USP34: variants seen among roughly 807,000 people sequenced by gnomAD.
The protein encoded by USP34 is ubiquitin specific peptidase 34, also known as ubiquitin carboxyl-terminal hydrolase 34.
Under a neutral mutation model 460.3 loss-of-function variants are expected in USP34, and 70 were observed. That is an observed-to-expected ratio of 0.15 (90% CI 0.13 to 0.19). USP34 has a LOEUF of 0.19. Ranked by LOEUF, USP34 falls within the 10% of genes least tolerant of loss-of-function variation. The probability of loss-of-function intolerance (pLI) is 1.00; values close to 1 mark genes in which losing one functional copy is unlikely to be tolerated. For synonymous variants in USP34, 1,647 were observed against 1,405.3 expected, an observed-to-expected ratio of 1.17 and a Z score of -3.85; for missense variants, 3,985 against 4,236.2, an observed-to-expected ratio of 0.94 and a Z score of 1.65.
intron 57 of USP34, 67 bp from the exon 58 acceptor site, chr2:61,232,599 C>T (rs1163794364): frequency 1.6e-6 from 2 of 1,241,200 alleles, no homozygotes; most frequent in East Asian, 2.4e-5. Flanking sequence ...ATAACAGTCA[C>T]ATAAGAATTT....
Position 61,288,890 on chromosome 2 carries a change from A to G in USP34, c.4549-13T>C. ...AGTCTAGCTGCCACTGTAAATGAGA[A>G]GAAATAGTCAATTCCCTATTTTCAT... On this transcript the variant is annotated splice_polypyrimidine_tract_variant and intron_variant, in intron 33 of 79. Coordinates refer to ENST00000398571, the MANE Select transcript of USP34 (RefSeq NM_014709.4). 1 of 1,610,194 alleles carries G rather than the reference A, an allele frequency of 6.2e-7. No individual in the cohort carries two copies. The highest frequency in any genetic ancestry group is 2.2e-5 in the East Asian group (1 of 44,870).
intron 27 of USP34, among the ~76,000 whole-genome samples, chr2:61,304,228 T>C (rs1690331781): frequency 6.6e-6 from 1 of 152,224 alleles, no homozygotes; most frequent in Non-Finnish European, 1.5e-5. Context: ...AATGTCTAAC[T>C]TGATGAGACA....
At chr2:61,454,047 A>T (rs1012420432) in intron 1 of USP34, among the ~76,000 whole-genome samples, 1 of 152,216 alleles carries the variant, frequency 6.6e-6, no homozygotes, top group Non-Finnish European at 1.5e-5. Flanking sequence ...CTAGATTTAT[A>T]TAAACCAAAA....
intron 5 of USP34, among the ~76,000 whole-genome samples, chr2:61,388,754 T>C (rs1693248063): frequency 8.2e-6 from 1 of 121,566 alleles, no homozygotes; most frequent in African/African-American, 3.4e-5. Context: ...AGACTCCATC[T>C]CAGAAAAAGA....
At chr2:61,244,023 A>G (rs1008277604) in intron 51 of USP34, among the ~76,000 whole-genome samples, 1 of 152,140 alleles carries the variant, frequency 6.6e-6, no homozygotes, top group African/African-American at 2.4e-5. Context: ...AGCAGAGTAG[A>G]CAAGAACACC....
chr2:61,352,816 G>A (rs919583422), intron 10 of USP34, among the ~76,000 whole-genome samples: 1 of 151,420 alleles, frequency 6.6e-6, no homozygotes, highest in Non-Finnish European at 1.5e-5. Context: ...GGACAAGGAG[G>A]ATGAAGAAAC....
At chr2:61,345,969 A>C (rs1478092532) in intron 15 of USP34, among the ~76,000 whole-genome samples, 1 of 152,198 alleles carries the variant, frequency 6.6e-6, no homozygotes, top group Non-Finnish European at 1.5e-5. Context: ...GCCCATCATA[A>C]TACCACCACT....
At chr2:61,393,945 G>A (rs993759126) in intron 5 of USP34, among the ~76,000 whole-genome samples, 8 of 151,976 alleles carry the variant, frequency 5.3e-5, no homozygotes, top group Admixed American at 6.6e-5. Context: ...AGACCAGCCT[G>A]GCCAACATGT....
At chr2:61,383,635 CG>C (rs547023681) in intron 5 of USP34, among the ~76,000 whole-genome samples, 6 of 150,856 alleles carry the variant, frequency 4.0e-5, no homozygotes, top group Non-Finnish European at 4.4e-5. Context: ...CCCCCACCCC[CG>C]GGGGGGGCGG....
chr2:61,195,227 G>A (rs1389176804), intron 75 of USP34, among the ~76,000 whole-genome samples: 1 of 151,752 alleles, frequency 6.6e-6, no homozygotes, highest in Non-Finnish European at 1.5e-5. Context: ...AAAAAGTTTT[G>A]TAGAAATGGG....
At chr2:61,325,296 A>T (rs1691052157) in intron 21 of USP34, 79 bp downstream of exon 21, 1 of 882,446 alleles carries the variant, frequency 1.1e-6, no homozygotes, top group African/African-American at 1.8e-5. Flanking sequence ...AAAAAACTGC[A>T]GAAATCAGAA....
intron 1 of USP34, 46 bp from the exon 2 acceptor site, chr2:61,420,879 G>C: frequency 1.4e-6 from 2 of 1,412,706 alleles, no homozygotes; most frequent in Non-Finnish European, 2.0e-6. Flanking sequence ...TGCTAAACCA[G>C]TATTAAAGCC....
chr2:61,279,069 A>G (rs1428259041), intron 39 of USP34, among the ~76,000 whole-genome samples: 1 of 151,910 alleles, frequency 6.6e-6, no homozygotes, highest in African/African-American at 2.4e-5. Flanking sequence ...TCAGATTCCT[A>G]TTTTAGCTCA....
intron 71 of USP34, among the ~76,000 whole-genome samples, chr2:61,206,422 C>T (rs1224630191): frequency 6.6e-6 from 1 of 152,168 alleles, no homozygotes. Context: ...AGTCATCTCG[C>T]ATGAAACTGC....
chr2:61,288,869 T>A lies in USP34; in HGVS notation c.4557A>T (p.Leu1519=), dbSNP rs1352613685. The A allele has an allele frequency of 6.2e-7, 1 of 1,612,604 alleles. No individual in the cohort carries two copies. Among genetic ancestry groups the A allele is most frequent in the Non-Finnish European group, 8.5e-7 (1 of 1,179,878 alleles). ...KEQESWTVWQ[L]DCLACLLKLI... The stretch of plus-strand genomic sequence containing the variant: ...ACTTCAGCAAGCAAGCAAGACAGTC[T>A]AGCTGCCACTGTAAATGAGAAGAAA... Residue 1519 remains leucine (L), a synonymous_variant, in exon 34 of 80, where the codon CTA becomes CTT. Transcript: ENST00000398571.
In USP34 at chr2:61,383,574, G is replaced by A. The variant is rs549279628; in HGVS notation, c.754-238C>T. Among the ~76,000 whole-genome samples the A allele has an allele frequency of 2.8e-4, 42 of 151,890 alleles. 1 individual carries two copies. In the East Asian group the frequency reaches 7.2e-3, roughly 26 times the overall value. On this transcript the variant is annotated intron_variant, in intron 5 of 79. Coordinates refer to ENST00000398571, the MANE Select transcript of USP34 (RefSeq NM_014709.4). ...AAAAATTAGCCGGGCATGGTGGCGC[G>A]CACCTGTAGTCCCAGCTACTTGAGA...
At chr2:61,388,544 CAG>C (rs1693239931) in intron 5 of USP34, among the ~76,000 whole-genome samples, 1 of 151,308 alleles carries the variant, frequency 6.6e-6, no homozygotes, top group Non-Finnish European at 1.5e-5. Context: ...ATCATGAGGT[CAG>C]GAGATCGAGA....
chr2:61,356,790 T>C (rs1249904139), intron 10 of USP34, among the ~76,000 whole-genome samples: 1 of 152,176 alleles, frequency 6.6e-6, no homozygotes, highest in Non-Finnish European at 1.5e-5. Context: ...TCTAGAGATC[T>C]ATTGCACAAT....
At chr2:61,206,974 G>A (rs1018412571) in intron 70 of USP34, 88 bp from the exon 71 acceptor site, 7 of 1,390,196 alleles carry the variant, frequency 5.0e-6, no homozygotes, top group South Asian at 1.3e-5. Context: ...TACGATAGAT[G>A]TTTTCAGACT....
Sources: allele counts gnomAD v4.1 joint callset (sites outside exome capture counted in the v4.1 genomes callset), GRCh38; gene constraint gnomAD v4.1.1; transcripts MANE v1.5; gene names NCBI Gene and HGNC (gene_info 2026-07-23, HGNC 2026-07-21).